ARHGEF4: variants seen among roughly 807,000 people sequenced by gnomAD.
ARHGEF4 encodes the protein Rho guanine nucleotide exchange factor 4, also known as APC-stimulated guanine nucleotide exchange factor 1.
Under a neutral mutation model 162.0 loss-of-function variants are expected in ARHGEF4, and 119 were observed. The observed-to-expected ratio is 0.73, with a 90% CI of 0.63 to 0.86. The LOEUF is 0.86. Ranked by LOEUF, ARHGEF4 falls within the 40% of genes least tolerant of loss-of-function variation. The pLI, the probability that ARHGEF4 is intolerant of heterozygous loss-of-function variation, is 0.00. For missense variants in ARHGEF4, 2,488 were observed against 2,456.0 expected, an observed-to-expected ratio of 1.01 and a Z score of -0.28; for synonymous variants, 1,014 against 979.9, an observed-to-expected ratio of 1.03 and a Z score of -0.65.
At chr2:130,995,885 C>T (rs1046251183) in intron 4 of ARHGEF4, among the ~76,000 whole-genome samples, 3 of 147,940 alleles carry the variant, frequency 2.0e-5, no homozygotes, top group Non-Finnish European at 4.5e-5. Context: ...AAGTATTATT[C>T]ACCTTTTTTT....
At chr2:130,841,020 A>G (rs1329407599) in intron 1 of ARHGEF4, among the ~76,000 whole-genome samples, 1 of 152,184 alleles carries the variant, frequency 6.6e-6, no homozygotes, top group Non-Finnish European at 1.5e-5. Context: ...ATGTTGTTCT[A>G]GGCACTCATG....
chr2:130,971,926 C>A (rs7582685), intron 4 of ARHGEF4, among the ~76,000 whole-genome samples: 7,234 of 152,312 alleles, frequency 0.047, 190 homozygotes, highest in Middle Eastern at 0.071. Flanking sequence ...GTCTGCCAGA[C>A]AGTGACTTTC....
At chr2:130,976,353 G>GTGTC (rs1322832545) in intron 4 of ARHGEF4, among the ~76,000 whole-genome samples, 1 of 151,556 alleles carries the variant, frequency 6.6e-6, no homozygotes, top group Non-Finnish European at 1.5e-5. Flanking sequence ...GTGTGTCTGT[G>GTGTC]TGTGTGTGTG....
Position 130,916,149 on chromosome 2 carries a change from G to A in ARHGEF4, c.2203G>A (p.Glu735Lys), listed in dbSNP as rs1377082812. The A allele has an allele frequency of 3.2e-6, 5 of 1,549,176 alleles. No homozygotes were observed. In the South Asian group the frequency reaches 6.0e-5, roughly 18 times the overall value. The change falls in exon 2 of 14, where the codon GAG (glutamate) becomes AAG (lysine). Residue 735 changes from glutamate to lysine, a missense_variant. Physicochemically the swap from Glu to Lys is moderately conservative, Grantham distance 56 (BLOSUM62 1). Coordinates refer to ENST00000409359, the MANE Select transcript of ARHGEF4 (RefSeq NM_001367493.1). ...GCCGAGCACAGAGGAGCCCCCGGGA[G>A]AGAGACTGCGTGGGGAGAGCCGGAG... ...ETPSTEEPPGERLRGESRSSG... is the reference protein window; with the variant it reads ...ETPSTEEPPGKRLRGESRSSG...
Position 131,040,255 on chromosome 2 carries a change from C to A in ARHGEF4, c.4483-6C>A. ...TCGGGGGAGGCCTAACCACGTCCGC[C>A]CGCAGGGCTACGTCCGGCAGTGCCG... is the stretch of plus-strand genomic sequence containing the variant. On this transcript the variant is annotated splice_region_variant and splice_polypyrimidine_tract_variant and intron_variant, in intron 7 of 13. Coordinates refer to ENST00000409359, the MANE Select transcript of ARHGEF4 (RefSeq NM_001367493.1). 1 of 1,612,072 alleles carries A rather than the reference C, an allele frequency of 6.2e-7. No individual in the cohort carries two copies. Among genetic ancestry groups the A allele is most frequent in the South Asian group, 1.1e-5 (1 of 90,960 alleles).
intron 4 of ARHGEF4, among the ~76,000 whole-genome samples, chr2:131,000,055 A>T (rs949687251): frequency 6.6e-6 from 1 of 152,260 alleles, no homozygotes; most frequent in Non-Finnish European, 1.5e-5. Flanking sequence ...CAGCAGAACT[A>T]CCTGTATTTA....
chr2:130,843,922 G>A (rs1680771073), intron 1 of ARHGEF4, among the ~76,000 whole-genome samples: 1 of 152,162 alleles, frequency 6.6e-6, no homozygotes, highest in African/African-American at 2.4e-5. Context: ...CCAAACTTGG[G>A]TGGAGCACAG....
At chr2:131,014,189 A>G (rs2403238) in intron 4 of ARHGEF4, among the ~76,000 whole-genome samples, 121,453 of 152,128 alleles carry the variant, frequency 0.8, 50,902 homozygotes, top group Non-Finnish European at 0.91. Flanking sequence ...ATGTTGAGTT[A>G]CAGGCTGGTT....
intron 2 of ARHGEF4, among the ~76,000 whole-genome samples, chr2:130,929,141 A>G (rs1682475238): frequency 6.6e-6 from 1 of 152,190 alleles, no homozygotes. Context: ...CTGAGTTTCT[A>G]AGGGAGAAGA....
In ARHGEF4 at chr2:130,916,547, G is replaced by C; in HGVS notation, c.2601G>C (p.Arg867Ser). The C allele has an allele frequency of 1.3e-6, 2 of 1,550,274 alleles. No homozygotes were observed. The highest frequency in any genetic ancestry group is 2.4e-5 in the South Asian group (2 of 84,032). Residue 867 changes from arginine to serine, a missense_variant, in exon 2 of 14, where the codon AGG becomes AGC. Arg to Ser is a moderately radical substitution (Grantham distance 110). This residue lies in a region of ARHGEF4 where 1,642 missense variants were observed against 1,481.5 expected (regional missense o/e 1.11). Transcript: ENST00000409359. Reference sequence around the variant, plus strand: ...TTGTCCCGCAGGCTGCAGGCGACAGGACTGCAGGGCCGGCAGGAGCGGGGC... The same window carrying C: ...TTGTCCCGCAGGCTGCAGGCGACAGCACTGCAGGGCCGGCAGGAGCGGGGC... ...PEFVPQAAGD[R>S]TAGPAGAGHT...
intron 5 of ARHGEF4, among the ~76,000 whole-genome samples, chr2:131,038,239 A>G (rs1032645438): frequency 6.6e-6 from 1 of 151,778 alleles, no homozygotes; most frequent in Non-Finnish European, 1.5e-5. Context: ...TCCCTCCTGC[A>G]GCCTTGCAGC....
intron 3 of ARHGEF4, among the ~76,000 whole-genome samples, chr2:130,938,268 A>G (rs977482453): frequency 2.0e-5 from 3 of 152,186 alleles, no homozygotes; most frequent in African/African-American, 7.2e-5. Flanking sequence ...AGAGGGCTGT[A>G]CCATTTTACA....
chr2:131,021,618 A>G (rs1415000059), intron 4 of ARHGEF4, among the ~76,000 whole-genome samples: 2 of 152,250 alleles, frequency 1.3e-5, no homozygotes, highest in South Asian at 2.1e-4. Context: ...ACAAAAGCCA[A>G]AATTGACAAA....
At chr2:130,940,249 G>GGTGGGT (rs1683206219) in intron 3 of ARHGEF4, among the ~76,000 whole-genome samples, 1 of 152,068 alleles carries the variant, frequency 6.6e-6, no homozygotes, top group Non-Finnish European at 1.5e-5. Flanking sequence ...GAGAGGAGGA[G>GGTGGGT]GTGGGTAATT....
intron 4 of ARHGEF4, chr2:131,011,868 G>A (rs1688471923): frequency 7.1e-6 from 5 of 706,500 alleles, no homozygotes; most frequent in Admixed American, 2.0e-5. Flanking sequence ...TCCGTGAAGT[G>A]TGGGGGCGGC....
chr2:131,045,501 T>G lies in ARHGEF4; in HGVS notation c.5479+55T>G. The G allele has an allele frequency of 2.5e-6, 4 of 1,613,538 alleles. No homozygotes were observed. In the South Asian group the frequency reaches 4.4e-5, roughly 18 times the overall value. ...CTGCCCGGTCCTTACCCTGCTGACA[T>G]CATTCCCTTCTCTGAACCACAAAGC... On this transcript the variant is annotated intron_variant, in intron 13 of 13. Coordinates refer to ENST00000409359, the MANE Select transcript of ARHGEF4 (RefSeq NM_001367493.1).
intron 1 of ARHGEF4, among the ~76,000 whole-genome samples, chr2:130,847,836 G>A (rs936998159): frequency 8.5e-5 from 13 of 152,232 alleles, no homozygotes; most frequent in Admixed American, 7.2e-4. Flanking sequence ...AGGCCCATCC[G>A]TGTGCTGGCT....
intron 1 of ARHGEF4, among the ~76,000 whole-genome samples, chr2:130,897,767 C>T (rs1025115106): frequency 2.6e-5 from 4 of 152,266 alleles, no homozygotes; most frequent in African/African-American, 4.8e-5. Context: ...CACAGACACA[C>T]GGCTGGGTGG....
rs1682604870 is a variant in ARHGEF4, at chr2:130,931,092, G to A, written c.3693G>A (p.Glu1231=). ...VTWALLCISA[E]TVRGEAPSQP... ...GGGCCCTCCTCTGCATCTCTGCAGAGACTGTGCGTGGGGAGGCTCCTTCAC... is the reference window on the plus strand; with the variant it reads ...GGGCCCTCCTCTGCATCTCTGCAGAAACTGTGCGTGGGGAGGCTCCTTCAC... Residue 1231 remains glutamate, a synonymous_variant, in exon 3 of 14, where the codon GAG becomes GAA. Coordinates refer to ENST00000409359, the MANE Select transcript of ARHGEF4 (RefSeq NM_001367493.1). The A allele has an allele frequency of 3.7e-6, 6 of 1,614,214 alleles. No individual in the cohort carries two copies. The highest frequency in any genetic ancestry group is 5.1e-6 in the Non-Finnish European group (6 of 1,180,036).
Sources: gnomAD v4.1 joint callset for allele counts (sites outside exome capture counted in the v4.1 genomes callset) on GRCh38, gnomAD v4.1.1 for gene constraint, gnomAD v4.1.1 regional missense constraint, MANE v1.5 for transcripts, NCBI Gene and HGNC (gene_info 2026-07-23, HGNC 2026-07-21) for gene names.